Variants in MLLT3 observed in about 807,000 individuals in gnomAD.
MLLT3 encodes the protein MLLT3 super elongation complex subunit, also known as protein AF-9.
A neutral mutation model predicts 53.2 loss-of-function variants in MLLT3; 4 were observed. That is an observed-to-expected ratio of 0.08 (90% CI 0.04 to 0.17). The LOEUF (loss-of-function observed/expected upper bound fraction) is 0.17. Among genes scored for constraint, MLLT3 ranks in the 10% least tolerant of loss-of-function variants. The pLI is 1.00. For synonymous variants in MLLT3, 283 were observed against 230.6 expected (o/e 1.23, Z -2.06); for missense variants, 569 against 684.0 (o/e 0.83, Z 1.87).
chr9:20,595,315 C>T (rs1820231995), intron 2 of MLLT3, among the ~76,000 whole-genome samples: 2 of 151,998 alleles, frequency 1.3e-5, no homozygotes, highest in Admixed American at 6.6e-5. Flanking sequence ...AGCAGTGAAT[C>T]GTCTTCATAC....
At chr9:20,451,749 C>G (rs147309313) in intron 3 of MLLT3, among the ~76,000 whole-genome samples, 6 of 152,322 alleles carry the variant, frequency 3.9e-5, no homozygotes, top group Admixed American at 3.3e-4. Flanking sequence ...GTTACCCTCT[C>G]TCACTCTGCA....
At chr9:20,606,594 C>G (rs369865338) in intron 2 of MLLT3, among the ~76,000 whole-genome samples, 1 of 152,084 alleles carries the variant, frequency 6.6e-6, no homozygotes, top group Non-Finnish European at 1.5e-5. Context: ...GAGAAGATGG[C>G]TAGGGAGTGT....
intron 10 of MLLT3, among the ~76,000 whole-genome samples, chr9:20,350,550 C>T (rs574179512): frequency 7.0e-6 from 1 of 143,440 alleles, no homozygotes; most frequent in Non-Finnish European, 1.5e-5. Context: ...AGCCGAGATC[C>T]CGCCACTGCA....
intron 2 of MLLT3, among the ~76,000 whole-genome samples, chr9:20,573,675 T>G (rs1316309113): frequency 2.0e-5 from 3 of 152,264 alleles, no homozygotes; most frequent in African/African-American, 4.8e-5. Context: ...CCAAACCAGG[T>G]TGGGTATACG....
intron 2 of MLLT3, among the ~76,000 whole-genome samples, chr9:20,510,228 A>C (rs915418853): frequency 1.3e-5 from 2 of 152,230 alleles, no homozygotes; most frequent in Non-Finnish European, 2.9e-5. Flanking sequence ...AGAAGGAAAA[A>C]AATGAGCAAT....
At chr9:20,455,963 G>A (rs1053214481) in intron 3 of MLLT3, among the ~76,000 whole-genome samples, 1 of 144,344 alleles carries the variant, frequency 6.9e-6, no homozygotes, top group Non-Finnish European at 1.5e-5. Context: ...AAAAATAATG[G>A]AGCCTCACTC....
chr9:20,406,696 A>C (rs951377549), intron 5 of MLLT3, among the ~76,000 whole-genome samples: 2 of 152,232 alleles, frequency 1.3e-5, no homozygotes, highest in African/African-American at 4.8e-5. Flanking sequence ...TGACCGTGAA[A>C]GGCAAGAAAA....
chr9:20,512,288 T>G (rs1051947157), intron 2 of MLLT3, among the ~76,000 whole-genome samples: 2 of 152,182 alleles, frequency 1.3e-5, no homozygotes, highest in African/African-American at 2.4e-5. Context: ...TTCTTAGATG[T>G]TTAATACAGC....
At chr9:20,575,319 A>G (rs1042425619) in intron 2 of MLLT3, among the ~76,000 whole-genome samples, 14 of 152,208 alleles carry the variant, frequency 9.2e-5, no homozygotes, top group African/African-American at 3.1e-4. Flanking sequence ...AGAAATTACT[A>G]TCTATGGCAG....
At chr9:20,483,723 T>C (rs559431977) in intron 2 of MLLT3, among the ~76,000 whole-genome samples, 4,018 of 78,602 alleles carry the variant, frequency 0.051, 54 homozygotes, top group Middle Eastern at 0.1. Flanking sequence ...TTTTTTTTTT[T>C]CCGAGATGGA....
intron 4 of MLLT3, among the ~76,000 whole-genome samples, chr9:20,438,332 T>G (rs1401432193): frequency 6.6e-6 from 1 of 152,206 alleles, no homozygotes; most frequent in African/African-American, 2.4e-5. Flanking sequence ...GGATGAGGAT[T>G]AGCTGAAATT....
intron 4 of MLLT3, among the ~76,000 whole-genome samples, chr9:20,415,215 T>C (rs1029791602): frequency 6.6e-6 from 1 of 152,124 alleles, no homozygotes; most frequent in Non-Finnish European, 1.5e-5. Context: ...TCTCACCCAC[T>C]AGGAAAAATA....
At chr9:20,465,931 A>C (rs1054799320) in intron 2 of MLLT3, among the ~76,000 whole-genome samples, 1 of 152,092 alleles carries the variant, frequency 6.6e-6, no homozygotes, top group Admixed American at 6.5e-5. Flanking sequence ...CAATCTTTCA[A>C]TCTTCTTCAA....
chr9:20,604,292 G>A (rs1820510116), intron 2 of MLLT3, among the ~76,000 whole-genome samples: 1 of 152,000 alleles, frequency 6.6e-6, no homozygotes, highest in Admixed American at 6.6e-5. Flanking sequence ...TAAAGTCAAT[G>A]AGTTAGTATT....
intron 2 of MLLT3, among the ~76,000 whole-genome samples, chr9:20,547,886 A>G (rs1818831366): frequency 6.6e-6 from 1 of 152,196 alleles, no homozygotes; most frequent in Non-Finnish European, 1.5e-5. Flanking sequence ...CAGGAGCTCA[A>G]GGCTACAATA....
At chr9:20,535,780 T>A (rs147184216) in intron 2 of MLLT3, among the ~76,000 whole-genome samples, 1 of 152,258 alleles carries the variant, frequency 6.6e-6, no homozygotes, top group East Asian at 1.9e-4. Context: ...ATGTCCCACA[T>A]CCTCAATGAC....
At position 20,354,790 on chromosome 9, in the gene MLLT3, A is replaced by AAC; in HGVS notation, c.1503+16_1503+17dup. ...TTGTCAGTGTTGGAGCCCTCCTAGT[A>AAC]ACAGACTAGAAACCTACCTTGTCAC... On this transcript the variant is annotated intron_variant, in intron 9 of 10. Transcript: ENST00000380338. 6.4e-7 allele frequency: 1 copy of AAC among 1,560,788 alleles called. No homozygotes were observed. Among genetic ancestry groups the AAC allele is most frequent in the African/African-American group, 1.4e-5 (1 of 72,934 alleles).
intron 10 of MLLT3, among the ~76,000 whole-genome samples, chr9:20,347,452 C>G (rs149515118): frequency 6.6e-6 from 1 of 152,216 alleles, no homozygotes; most frequent in East Asian, 1.9e-4. Flanking sequence ...GTATTGGCTC[C>G]AACTTTCAGA....
At chr9:20,582,816 G>A (rs1819832237) in intron 2 of MLLT3, among the ~76,000 whole-genome samples, 1 of 152,100 alleles carries the variant, frequency 6.6e-6, no homozygotes, top group Non-Finnish European at 1.5e-5. Context: ...TTCCCCCTGG[G>A]TCCCTCCTAC....
Sources: gnomAD v4.1 joint callset for allele counts (sites outside exome capture counted in the v4.1 genomes callset) on GRCh38, gnomAD v4.1.1 for gene constraint, MANE v1.5 for transcripts, NCBI Gene and HGNC (gene_info 2026-07-23, HGNC 2026-07-21) for gene names.